The following ZFYVE26 variants were observed in gnomAD, a reference collection of about 807,000 sequenced individuals.
ZFYVE26 encodes zinc finger FYVE-type containing 26, also known as zinc finger FYVE domain-containing protein 26.
ZFYVE26 carries 181 observed loss-of-function variants against 276.5 expected under a neutral mutation model. The observed-to-expected ratio is 0.65, with a 90% CI of 0.58 to 0.74. The LOEUF (loss-of-function observed/expected upper bound fraction) is 0.74. ZFYVE26 is among the 30% of genes least tolerant of loss of function. The pLI is 0.00. For synonymous variants in ZFYVE26, 1,129 were observed against 1,203.1 expected, an observed-to-expected ratio of 0.94 and a Z score of 1.27; for missense variants, 2,821 against 3,097.9, an observed-to-expected ratio of 0.91 and a Z score of 2.12.
downstream of ZFYVE26, among the ~76,000 whole-genome samples, chr14:67,742,838 C>CTTCTTTTTTTTTTTTTTTTTTTT (rs769663149): frequency 2.2e-5 from 2 of 89,768 alleles, no homozygotes; most frequent in Non-Finnish European, 4.0e-5. Context: ...TCTTCTTCTT[C>CTTCTTTTTTTTTTTTTTTTTTTT]TTTTTTTTTT....
At chr14:67,762,057 G>A (rs2038945403) in intron 34 of ZFYVE26, 146 bp downstream of exon 34, 3 of 791,192 alleles carry the variant, frequency 3.8e-6, no homozygotes, top group Non-Finnish European at 6.3e-6. Context: ...CTAACTATAT[G>A]TGATGGAAAA....
intron 10 of ZFYVE26, chr14:67,799,116 A>T: frequency 7.5e-7 from 1 of 1,342,072 alleles, no homozygotes; most frequent in Non-Finnish European, 1.1e-6. Context: ...GACCTAGACT[A>T]GGAGGCGTAC....
At chr14:67,793,300 T>C (rs543404463) in intron 14 of ZFYVE26, among the ~76,000 whole-genome samples, 7 of 152,248 alleles carry the variant, frequency 4.6e-5, no homozygotes, top group Middle Eastern at 3.4e-3. Context: ...AAAACCCATG[T>C]ATATGTTCAG....
chr14:67,741,829 T>C (rs1418654913), downstream of ZFYVE26, among the ~76,000 whole-genome samples: 1 of 152,216 alleles, frequency 6.6e-6, no homozygotes, highest in East Asian at 1.9e-4. Flanking sequence ...CACTGCCTTC[T>C]ACTCTTCTTC....
intron 13 of ZFYVE26, among the ~76,000 whole-genome samples, chr14:67,737,496 G>A (rs767051292): frequency 2.0e-5 from 3 of 152,002 alleles, no homozygotes; most frequent in Non-Finnish European, 2.9e-5. Context: ...TCACTATCAC[G>A]AGAAGACAAT....
intron 35 of ZFYVE26, among the ~76,000 whole-genome samples, chr14:67,758,453 T>C (rs1670076533): frequency 6.6e-6 from 1 of 152,048 alleles, no homozygotes; most frequent in African/African-American, 2.4e-5. Flanking sequence ...AATATACAGA[T>C]AAGTAAAATA....
At chr14:67,733,337 C>T (rs1454645537) in intron 13 of ZFYVE26, among the ~76,000 whole-genome samples, 1 of 152,172 alleles carries the variant, frequency 6.6e-6, no homozygotes, top group African/African-American at 2.4e-5. Context: ...TAACCTCCAA[C>T]TGAGATTTGG....
chr14:67,796,209 T>C (rs1385073467), intron 12 of ZFYVE26: 1 of 134,838 alleles, frequency 7.4e-6, no homozygotes, highest in African/African-American at 2.8e-5. Flanking sequence ...CTCAAAAAGC[T>C]AGAAGAAAGG....
intron 40 of ZFYVE26, among the ~76,000 whole-genome samples, chr14:67,751,861 CA>C (rs5809363): frequency 1.1e-3 from 151 of 140,496 alleles, no homozygotes; most frequent in Middle Eastern, 3.6e-3. Flanking sequence ...GACTCTGTCT[CA>C]AAAAAAAAAA....
At chr14:67,737,083 CT>C (rs1291364312) in intron 13 of ZFYVE26, among the ~76,000 whole-genome samples, 4 of 116,748 alleles carry the variant, frequency 3.4e-5, no homozygotes, top group Non-Finnish European at 7.1e-5. Context: ...ATTTCTTTTT[CT>C]TTTCTTTTTT....
chr14:67,777,623 T>C lies in ZFYVE26; in HGVS notation c.4910A>G (p.His1637Arg). 6.2e-7 allele frequency: 1 copy of C among 1,613,858 alleles called. No individual in the cohort carries two copies. The highest frequency in any genetic ancestry group is 8.5e-7 in the Non-Finnish European group (1 of 1,179,974). The change falls in exon 25 of 42, where the codon CAC (histidine) becomes CGC (arginine). Residue 1637 changes from histidine to arginine, a missense_variant. Physicochemically the swap from His to Arg is conservative, Grantham distance 29. Transcript: ENST00000347230. ...SHFLANYLTT[H>R]FYGQLTAVRH... is the part of the protein sequence containing the mutation. Reference sequence around the variant, plus strand: ...GACAGCAGTCAGTTGTCCATAGAAGTGGGTGGTGAGGTAGTTGGCCAAGAA... The same window carrying C: ...GACAGCAGTCAGTTGTCCATAGAAGCGGGTGGTGAGGTAGTTGGCCAAGAA...
chr14:67,731,726 G>T (rs1488443406), intron 13 of ZFYVE26, among the ~76,000 whole-genome samples: 1 of 152,172 alleles, frequency 6.6e-6, no homozygotes, highest in Non-Finnish European at 1.5e-5. Context: ...AGTCTGGAGG[G>T]ATAACCAGCC....
rs760093580 is a variant in ZFYVE26, at chr14:67,805,579, T to C, written c.1057A>G (p.Asn353Asp). The stretch of plus-strand genomic sequence containing the variant: ...TCTCTATCAAGTAGGCAGCCAAGAT[T>C]TGGGAAGTCTTCTTCTTTCAACAAT... The part of the protein sequence containing the change: ...LTLLKEEDFP[N>D]LGCLLDREFR... The change falls in exon 7 of 42, where the codon AAT (asparagine) becomes GAT (aspartate). Residue 353 changes from asparagine (N) to aspartate (D), a missense_variant. Coordinates refer to ENST00000347230, the MANE Select transcript of ZFYVE26 (RefSeq NM_015346.4). 9 of 1,614,174 alleles carry C rather than the reference T, an allele frequency of 5.6e-6. No homozygotes were observed. The highest frequency in any genetic ancestry group is 7.6e-6 in the Non-Finnish European group (9 of 1,180,036).
At chr14:67,815,007 T>A (rs1017247277) in intron 2 of ZFYVE26, among the ~76,000 whole-genome samples, 1 of 152,200 alleles carries the variant, frequency 6.6e-6, no homozygotes, top group African/African-American at 2.4e-5. Flanking sequence ...AGGAACTTCA[T>A]TGAAAATCAA....
chr14:67,786,767 G>A (rs2039670588), intron 16 of ZFYVE26, among the ~76,000 whole-genome samples: 1 of 152,186 alleles, frequency 6.6e-6, no homozygotes, highest in Non-Finnish European at 1.5e-5. Context: ...CTTCACAATA[G>A]CCAAGATTTT....
At chr14:67,744,595 G>T (rs34612763), downstream of ZFYVE26, among the ~76,000 whole-genome samples, 14,292 of 152,076 alleles carry the variant, frequency 0.094, 873 homozygotes, top group Middle Eastern at 0.21. Flanking sequence ...CCCAGTGTAT[G>T]ATGTTCCCCT....
At chr14:67,742,965 G>A (rs531257176), downstream of ZFYVE26, among the ~76,000 whole-genome samples, 5 of 147,642 alleles carry the variant, frequency 3.4e-5, no homozygotes, top group East Asian at 4.1e-4. Flanking sequence ...TCAGCCTCCC[G>A]AGTAGCTGGT....
In ZFYVE26 at chr14:67,740,335, CA is replaced by C. The variant is rs1300453879; in HGVS notation, n.2680-10517del. Among the ~76,000 whole-genome samples the C allele has an allele frequency of 6.7e-5, 10 of 149,910 alleles. 1 individual carries two copies. The South Asian group carries it at 8.6e-4, about 13-fold the overall frequency. The stretch of plus-strand genomic sequence containing the variant: ...CATAAAAATGGAAATCAAAGAAATG[CA>C]AAAAAAATTATTTAAAAAATGTTTT... On this transcript the variant is annotated intron_variant and non_coding_transcript_variant, in intron 13 of 14. Transcript: ENST00000394455.
intron 36 of ZFYVE26, 39 bp from the exon 37 acceptor site, chr14:67,755,289 A>C (rs1373552805): frequency 6.2e-7 from 1 of 1,607,650 alleles, no homozygotes; most frequent in South Asian, 1.1e-5. Context: ...AAAGTAGATC[A>C]GGGGTTTGGA....
Sources: allele counts gnomAD v4.1 joint callset (sites outside exome capture counted in the v4.1 genomes callset), GRCh38; gene constraint gnomAD v4.1.1; transcripts MANE v1.5; gene names NCBI Gene and HGNC (gene_info 2026-07-23, HGNC 2026-07-21).